The following EIF5 variants were observed in gnomAD, a reference collection of about 807,000 sequenced individuals.
The protein encoded by EIF5 is eukaryotic translation initiation factor 5.
Under a neutral mutation model 48.3 loss-of-function variants are expected in EIF5, and 10 were observed. The ratio of observed to expected loss-of-function variants is 0.21; its 90% CI spans 0.13 to 0.35. EIF5 has a LOEUF of 0.35. EIF5 is among the 10% of genes least tolerant of loss of function. The pLI, the probability that EIF5 is intolerant of heterozygous loss-of-function variation, is 1.00. For synonymous variants in EIF5, 237 were observed against 173.1 expected, an observed-to-expected ratio of 1.37 and a Z score of -2.90; for missense variants, 397 against 533.2, an observed-to-expected ratio of 0.74 and a Z score of 2.51.
At position 103,344,523 on chromosome 14, in the gene EIF5, TAC is replaced by T. The variant is rs2089390435; in HGVS notation, c.*3472_*3473del. The T allele has an allele frequency of 6.6e-6, 1 of 152,274 alleles. No homozygotes were observed. The highest frequency in any genetic ancestry group is 6.5e-5 in the Admixed American group (1 of 15,286). 9.4% of individuals were successfully genotyped at this position (152,274 alleles called of 1,614,324 possible). A position where few individuals can be genotyped will look rare whatever the true frequency, so the allele number is the denominator to read the frequency against. ...CAAATTTGGATTCTGTCCCAGGCCT[TAC>T]TGTAAAACTAGGGGATTGCCTTTCC... On this transcript the variant is annotated 3_prime_UTR_variant, in exon 12 of 12. Transcript: ENST00000216554.
chr14:103,336,470 A>G (rs1386502299), intron 4 of EIF5: 11 of 580,160 alleles, frequency 1.9e-5, no homozygotes, highest in South Asian at 1.6e-4. Flanking sequence ...AGTCCCAGCT[A>G]CTTGGGAGGC....
rs1373788666 is a variant in EIF5 at position 103,341,700 on chromosome 14, C to T, written c.*648C>T. On this transcript the variant is annotated 3_prime_UTR_variant, in exon 12 of 12. Transcript: ENST00000216554. Reference sequence around the variant, plus strand: ...AATAATGTAAGAGCAGGATTTGAAACTTGGAGAGCTGTTTTCTCATTTCAT... The same window carrying T: ...AATAATGTAAGAGCAGGATTTGAAATTTGGAGAGCTGTTTTCTCATTTCAT... 1 of 152,270 alleles carries T rather than the reference C, an allele frequency of 6.6e-6. No homozygotes were observed. The highest frequency in any genetic ancestry group is 1.5e-5 in the Non-Finnish European group (1 of 68,072). 9.4% of individuals were successfully genotyped at this position (152,270 alleles called of 1,614,324 possible). A position where few individuals can be genotyped will look rare whatever the true frequency, so the allele number is the denominator to read the frequency against.
intron 6 of EIF5, chr14:103,337,680 T>G: frequency 2.8e-6 from 1 of 363,244 alleles, no homozygotes; most frequent in Admixed American, 3.8e-5. Context: ...TATTGTTAAT[T>G]ACCATTAAAG....
intron 2 of EIF5, 46 bp from the exon 3 acceptor site, chr14:103,335,607 T>G (rs1443097553): frequency 1.8e-6 from 1 of 547,094 alleles, no homozygotes; most frequent in East Asian, 3.0e-5. Context: ...AGCGATGATG[T>G]TAAACCTGGG....
chr14:103,340,605 G>T (rs753725569), intron 11 of EIF5, 44 bp downstream of exon 11: 12 of 1,573,236 alleles, frequency 7.6e-6, no homozygotes, highest in Non-Finnish European at 8.7e-6. Flanking sequence ...TGCTGGCATG[G>T]GTGTTTGAGA....
chr14:103,340,930 G>T, intron 11 of EIF5, 33 bp from the exon 12 acceptor site: 2 of 1,594,308 alleles, frequency 1.3e-6, no homozygotes, highest in Non-Finnish European at 1.7e-6. Flanking sequence ...AGATTTATCA[G>T]CTTATGTTGA....
In EIF5 at chr14:103,341,101, C is replaced by T. The variant is rs772925514; in HGVS notation, c.*49C>T. The T allele has an allele frequency of 7.6e-5, 119 of 1,558,542 alleles. No homozygotes were observed. In the Admixed American group the frequency reaches 2.0e-3, roughly 26 times the overall value. ...ACAGTATAATGCTGCAAATTTTCCT[C>T]CATTATCAGCCAGAAGTGCAACATG... On this transcript the variant is annotated 3_prime_UTR_variant, in exon 12 of 12. Transcript: ENST00000216554.
rs1180225175 is a variant in EIF5, at chr14:103,344,275, T to C, written c.*3223T>C. On this transcript the variant is annotated 3_prime_UTR_variant, in exon 12 of 12. Coordinates refer to ENST00000216554, the MANE Select transcript of EIF5 (RefSeq NM_001969.5). ...CTGGTCTAGCCAAACAGTTTTTTTC[T>C]GGGAATCAAATTTCTGTGGTTTTTA... 2 of 152,158 alleles carry C rather than the reference T, an allele frequency of 1.3e-5. No homozygotes were observed. Among genetic ancestry groups the C allele is most frequent in the Admixed American group, 1.3e-4 (2 of 15,270 alleles). The allele number at this position is 152,158 out of a possible 1,614,324, so 9.4% of individuals were successfully genotyped here. A position where few individuals can be genotyped will look rare whatever the true frequency, so the allele number is the denominator to read the frequency against.
chr14:103,340,008 G>C (rs2089334588), intron 10 of EIF5, among the ~76,000 whole-genome samples: 1 of 152,112 alleles, frequency 6.6e-6, no homozygotes, highest in African/African-American at 2.4e-5. Context: ...ACAGGCACCT[G>C]CGATCATGCC....
chr14:103,338,663 C>T (rs2089317791), intron 7 of EIF5, 72 bp from the exon 8 acceptor site: 1 of 1,564,860 alleles, frequency 6.4e-7, no homozygotes, highest in Non-Finnish European at 8.6e-7. Flanking sequence ...ATGCCATTAA[C>T]TTGGCAAAAT....
In EIF5 at chr14:103,339,033, C is replaced by T. The variant is rs116234673; in HGVS notation, c.745-139C>T. On this transcript the variant is annotated intron_variant, in intron 8 of 11. Transcript: ENST00000216554. Reference sequence around the variant, plus strand: ...CTCTTGTTCATTTAAATATTTTTTGCGCGTGATTCCAGGCACTATGTGTCA... The same window carrying T: ...CTCTTGTTCATTTAAATATTTTTTGTGCGTGATTCCAGGCACTATGTGTCA... The T allele has an allele frequency of 5.2e-4, 764 of 1,464,932 alleles. 5 individuals carry two copies. The African/African-American group carries it at 9.2e-3, about 18-fold the overall frequency. 90.7% of individuals were successfully genotyped at this position (1,464,932 alleles called of 1,614,324 possible).
In EIF5 at chr14:103,335,815, A is replaced by G. The variant is rs1306323303; in HGVS notation, c.-46A>G. On this transcript the variant is annotated 5_prime_UTR_variant, in exon 3 of 12. Transcript: ENST00000216554. ...AGACAGAAGATACCAAAAAGTTGCAATCAAAGATCTCTTCATCTTATTGAT... is the reference window on the plus strand; with the variant it reads ...AGACAGAAGATACCAAAAAGTTGCAGTCAAAGATCTCTTCATCTTATTGAT... 8 of 1,604,252 alleles carry G rather than the reference A, an allele frequency of 5.0e-6. No homozygotes were observed. Among genetic ancestry groups the G allele is most frequent in the Admixed American group, 1.7e-5 (1 of 59,900 alleles).
At chr14:103,340,872 C>T in intron 11 of EIF5, 91 bp from the exon 12 acceptor site, 4 of 1,259,070 alleles carry the variant, frequency 3.2e-6, no homozygotes, top group South Asian at 2.5e-5. Context: ...TGCATCTAGG[C>T]AGTTTCCTCC....
At position 103,338,755 on chromosome 14, in the gene EIF5, C is replaced by T. The variant is rs778683941; in HGVS notation, c.606C>T (p.Asp202=). The T allele has an allele frequency of 1.9e-6, 3 of 1,613,900 alleles. No homozygotes were observed. The highest frequency in any genetic ancestry group is 1.1e-5 in the South Asian group (1 of 91,020). The change falls in exon 8 of 12, where the codon GAC becomes GAT. Residue 202 remains aspartate, a synonymous_variant. Transcript: ENST00000216554. ...PHTMEEEEDD[D]WGEDTTEEAQ... Reference sequence around the variant, plus strand: ...AACAGGAAGAAGAGGAGGATGATGACTGGGGAGAAGATACAACTGAGGAAG... The same window carrying T: ...AACAGGAAGAAGAGGAGGATGATGATTGGGGAGAAGATACAACTGAGGAAG...
intron 7 of EIF5, 23 bp downstream of exon 7, chr14:103,338,495 A>G (rs1156550558): frequency 1.3e-6 from 2 of 1,551,246 alleles, no homozygotes; most frequent in Non-Finnish European, 1.7e-6. Flanking sequence ...TTGATGGCCT[A>G]GTGGGCACTA....
At chr14:103,338,588 T>G in intron 7 of EIF5, 116 bp downstream of exon 7, 1 of 1,492,732 alleles carries the variant, frequency 6.7e-7, no homozygotes, top group East Asian at 2.5e-5. Flanking sequence ...ACTAATATTG[T>G]GGATTCCAAG....
chr14:103,336,416 A>T, intron 4 of EIF5: 1 of 554,304 alleles, frequency 1.8e-6, no homozygotes, highest in Non-Finnish European at 3.2e-6. Flanking sequence ...TCCTGAGTCT[A>T]CTACTAATAC....
chr14:103,338,515 A>T (rs1362278744), intron 7 of EIF5, 43 bp downstream of exon 7: 1 of 1,542,926 alleles, frequency 6.5e-7, no homozygotes, highest in Non-Finnish European at 8.8e-7. Context: ...AAAGTTGTGT[A>T]AAGTATATGG....
chr14:103,336,592 AAAAAGTG>A lies in EIF5; in HGVS notation c.155-84_155-78del, dbSNP rs2089289707. On this transcript the variant is annotated intron_variant, in intron 4 of 11. Transcript: ENST00000216554. ...TGAGACTCTTGTCTCAAAAAAAAAA[AAAAAGTG>A]GTGTTCGTACAAATGTGAGTGAGTA... The A allele has an allele frequency of 2.9e-5, 42 of 1,433,850 alleles. No homozygotes were observed. The South Asian group carries it at 6.0e-4, about 21-fold the overall frequency. The allele number at this position is 1,433,850 out of a possible 1,614,324, so 88.8% of individuals were successfully genotyped here.
Sources: allele counts gnomAD v4.1 joint callset (sites outside exome capture counted in the v4.1 genomes callset), GRCh38; gene constraint gnomAD v4.1.1; transcripts MANE v1.5; gene names NCBI Gene and HGNC (gene_info 2026-07-23, HGNC 2026-07-21).